The following CEP63 variants were observed in gnomAD, a reference collection of about 807,000 sequenced individuals.
CEP63 encodes the protein centrosomal protein of 63 kDa.
CEP63 carries 84 observed loss-of-function variants against 89.1 expected under a neutral mutation model. That is an observed-to-expected ratio of 0.94 (90% CI 0.79 to 1.13). CEP63 has a LOEUF of 1.13. Among genes scored for constraint, CEP63 ranks in the 50% most tolerant of loss-of-function variants. CEP63 has a pLI of 0.00. For synonymous variants in CEP63, 267 were observed against 272.5 expected, an observed-to-expected ratio of 0.98 and a Z score of 0.20; for missense variants, 838 against 813.3, an observed-to-expected ratio of 1.03 and a Z score of -0.37.
chr3:134,596,653 A>C, the CEP63 span, among the ~76,000 whole-genome samples: 1 of 152,128 alleles, frequency 6.6e-6, no homozygotes, highest in African/African-American at 2.4e-5. Flanking sequence ...CTGTCTTCCT[A>C]GTCTGTCTTA....
At chr3:134,637,373 G>A in the CEP63 span, among the ~76,000 whole-genome samples, 43 of 152,282 alleles carry the variant, frequency 2.8e-4, no homozygotes, top group Middle Eastern at 3.4e-3. Context: ...GTCTTTTAAA[G>A]TGAGTGCTAA....
chr3:134,496,715 G>A lies in CEP63; in HGVS notation c.44+1351G>A, dbSNP rs573957550. The stretch of plus-strand genomic sequence containing the variant: ...GATTGAGTGCAGTCTTTATTGATAA[G>A]GTGAACATCGGGTCCCTGTGGGCAT... On this transcript the variant is annotated intron_variant, in intron 2 of 14. Coordinates refer to ENST00000675561, the MANE Select transcript of CEP63 (RefSeq NM_001353108.3). Among the ~76,000 whole-genome samples, 27 of 152,304 alleles carry A rather than the reference G, an allele frequency of 1.8e-4. No homozygotes were observed. In the South Asian group the frequency reaches 4.6e-3, roughly 26 times the overall value.
chr3:134,530,006 T>G, intron 3 of CEP63, among the ~76,000 whole-genome samples: 1 of 151,850 alleles, frequency 6.6e-6, no homozygotes, highest in East Asian at 1.9e-4. Flanking sequence ...CCCGAGTAGC[T>G]GGGACTACAG....
the CEP63 span, among the ~76,000 whole-genome samples, chr3:134,678,438 G>A: frequency 2.6e-5 from 4 of 152,094 alleles, no homozygotes; most frequent in African/African-American, 4.8e-5. Flanking sequence ...CATCTATGCT[G>A]TGTGCTTCTG....
At chr3:134,579,904 T>C (rs1958303580), downstream of CEP63, among the ~76,000 whole-genome samples, 1 of 152,104 alleles carries the variant, frequency 6.6e-6, no homozygotes, top group South Asian at 2.1e-4. Flanking sequence ...GATGAAACAC[T>C]AAAACACACT....
At chr3:134,712,564 T>G in the CEP63 span, among the ~76,000 whole-genome samples, 1 of 152,192 alleles carries the variant, frequency 6.6e-6, no homozygotes, top group Non-Finnish European at 1.5e-5. Context: ...TTCTCTCCTT[T>G]AAGTATTTAT....
the CEP63 span, among the ~76,000 whole-genome samples, chr3:134,770,350 C>G: frequency 6.6e-6 from 1 of 152,294 alleles, no homozygotes; most frequent in African/African-American, 2.4e-5. Flanking sequence ...TCCTAGCATA[C>G]TTTTTCTAGT....
chr3:134,540,204 T>C (rs1209049685), intron 6 of CEP63, among the ~76,000 whole-genome samples: 1 of 152,202 alleles, frequency 6.6e-6, no homozygotes, highest in African/African-American at 2.4e-5. Flanking sequence ...GGTACTATGC[T>C]AAGCACGTCA....
the CEP63 span, among the ~76,000 whole-genome samples, chr3:134,746,068 A>ACCCCCCC: frequency 1.7e-5 from 2 of 119,806 alleles, no homozygotes; most frequent in Admixed American, 8.4e-5. Flanking sequence ...CTCCTCCACC[A>ACCCCCCC]CCCCCCCCAC....
chr3:134,668,259 C>T, the CEP63 span, among the ~76,000 whole-genome samples: 1 of 152,210 alleles, frequency 6.6e-6, no homozygotes, highest in Non-Finnish European at 1.5e-5. Flanking sequence ...AGTTGGCTGC[C>T]TGTAGAACTG....
At chr3:134,599,908 T>C in the CEP63 span, among the ~76,000 whole-genome samples, 4 of 152,188 alleles carry the variant, frequency 2.6e-5, no homozygotes, top group African/African-American at 9.7e-5. Context: ...TAAGAATGAA[T>C]CGATAATTAC....
intron 2 of CEP63, among the ~76,000 whole-genome samples, chr3:134,501,930 A>G (rs1417500001): frequency 6.6e-6 from 1 of 151,964 alleles, no homozygotes; most frequent in Admixed American, 6.6e-5. Context: ...AATGCTTTTA[A>G]CTTTTGCCTA....
chr3:134,597,023 A>G, the CEP63 span, among the ~76,000 whole-genome samples: 13 of 152,262 alleles, frequency 8.5e-5, no homozygotes, highest in African/African-American at 3.1e-4. Flanking sequence ...AGGTACATGG[A>G]CTGCCTGGTG....
chr3:134,713,965 C>T, the CEP63 span, among the ~76,000 whole-genome samples: 2 of 152,210 alleles, frequency 1.3e-5, no homozygotes, highest in African/African-American at 4.8e-5. Flanking sequence ...AGGCTGGATC[C>T]GCTGTGTGCT....
the CEP63 span, among the ~76,000 whole-genome samples, chr3:134,742,128 T>C: frequency 1.3e-5 from 2 of 152,176 alleles, no homozygotes; most frequent in Non-Finnish European, 2.9e-5. Context: ...ACTTTCATCC[T>C]CTCATTTCTC....
the CEP63 span, among the ~76,000 whole-genome samples, chr3:134,611,588 C>G: frequency 6.6e-6 from 1 of 152,266 alleles, no homozygotes; most frequent in African/African-American, 2.4e-5. Flanking sequence ...AATAGATACA[C>G]AACCTGTGAA....
chr3:134,517,674 C>T (rs1318456521), intron 3 of CEP63, among the ~76,000 whole-genome samples: 3 of 152,140 alleles, frequency 2.0e-5, no homozygotes, highest in African/African-American at 7.2e-5. Context: ...AATCTGCATA[C>T]ATTTGGAAAT....
downstream of CEP63, among the ~76,000 whole-genome samples, chr3:134,569,337 C>A (rs989158167): frequency 2.0e-5 from 3 of 152,218 alleles, no homozygotes; most frequent in Admixed American, 6.5e-5. Context: ...AGCCGATGAG[C>A]CTGTAAAATC....
the CEP63 span, chr3:134,608,892 G>A: frequency 6.4e-7 from 1 of 1,557,822 alleles, no homozygotes; most frequent in Non-Finnish European, 8.7e-7. Context: ...GGAGGCAGGG[G>A]CCCAATACAC....
Sources: allele counts gnomAD v4.1 joint callset (sites outside exome capture counted in the v4.1 genomes callset), GRCh38; gene constraint gnomAD v4.1.1; transcripts MANE v1.5; gene names NCBI Gene and HGNC (gene_info 2026-07-23, HGNC 2026-07-21).